The following FSD1L variants were observed in gnomAD, a reference collection of about 807,000 sequenced individuals.
FSD1L encodes the protein FSD1-like protein.
FSD1L carries 45 observed loss-of-function variants against 71.6 expected under a neutral mutation model. That is an observed-to-expected ratio of 0.63 (90% CI 0.49 to 0.81). FSD1L has a LOEUF of 0.81. Ranked by LOEUF, FSD1L falls within the 30% of genes least tolerant of loss-of-function variation. The pLI is 0.00. For synonymous variants in FSD1L, 197 were observed against 207.2 expected (o/e 0.95, Z 0.42); for missense variants, 561 against 618.1 (o/e 0.91, Z 0.98).
chr9:105,446,210 G>T (rs1306676424), upstream of FSD1L, among the ~76,000 whole-genome samples: 1 of 152,252 alleles, frequency 6.6e-6, no homozygotes, highest in South Asian at 2.1e-4. Context: ...CTCTCCACAA[G>T]GCCTTTGTAT....
In FSD1L at chr9:105,448,112, C is replaced by T; in HGVS notation, c.-109C>T. On this transcript the variant is annotated 5_prime_UTR_variant, in exon 1 of 14. Transcript: ENST00000481272. Reference sequence around the variant, plus strand: ...CGGGTGGGGCCGGGCGGTGCCGGTGCGGGCTGGGGCAGTGCAGTGAGTAGC... The same window carrying T: ...CGGGTGGGGCCGGGCGGTGCCGGTGTGGGCTGGGGCAGTGCAGTGAGTAGC... 2 of 1,221,300 alleles carry T rather than the reference C, an allele frequency of 1.6e-6. No individual in the cohort carries two copies. The highest frequency in any genetic ancestry group is 1.3e-5 in the South Asian group (1 of 76,704). The allele number at this position is 1,221,300 out of a possible 1,614,324, so 75.7% of individuals were successfully genotyped here.
chr9:105,477,469 G>A (rs984042796), intron 5 of FSD1L, among the ~76,000 whole-genome samples: 1 of 152,164 alleles, frequency 6.6e-6, no homozygotes, highest in African/African-American at 2.4e-5. Context: ...CAGAGGGAAA[G>A]AACAGAATAT....
chr9:105,497,631 T>G (rs1833497438), intron 7 of FSD1L, among the ~76,000 whole-genome samples: 1 of 152,182 alleles, frequency 6.6e-6, no homozygotes, highest in African/African-American at 2.4e-5. Flanking sequence ...GGTTATCAAA[T>G]TTGTGGACAT....
At chr9:105,452,665 GCCTGCCTTCCTTCCTTCCTTCCTT>G (rs1422281007) in intron 1 of FSD1L, among the ~76,000 whole-genome samples, 32 of 85,848 alleles carry the variant, frequency 3.7e-4, no homozygotes, top group African/African-American at 1.5e-3. Flanking sequence ...CTGCCTGCCT[GCCTGCCTTCCTTCCTTCCTTCCTT>G]CCTTCCTTCC....
intron 7 of FSD1L, among the ~76,000 whole-genome samples, chr9:105,488,458 C>A (rs1157536005): frequency 6.6e-6 from 1 of 152,146 alleles, no homozygotes; most frequent in Non-Finnish European, 1.5e-5. Flanking sequence ...CAACTTTGGG[C>A]AGTTATGAAT....
intron 1 of FSD1L, among the ~76,000 whole-genome samples, chr9:105,453,445 A>T (rs1830174155): frequency 6.6e-6 from 1 of 152,112 alleles, no homozygotes; most frequent in Non-Finnish European, 1.5e-5. Flanking sequence ...AAGTGCTGAG[A>T]TTACAGGCAG....
At chr9:105,472,759 AAG>A (rs1831556549) in intron 5 of FSD1L, 1 of 152,188 alleles carries the variant, frequency 6.6e-6, no homozygotes, top group Non-Finnish European at 1.5e-5. Flanking sequence ...TGTGAACTTG[AAG>A]GTAGAAAAAA....
chr9:105,447,611 T>G (rs1219208186), upstream of FSD1L, among the ~76,000 whole-genome samples: 1 of 152,132 alleles, frequency 6.6e-6, no homozygotes, highest in Non-Finnish European at 1.5e-5. Context: ...TCCTCCCACG[T>G]TTCCACCACA....
intron 7 of FSD1L, among the ~76,000 whole-genome samples, chr9:105,497,526 G>A (rs527948052): frequency 3.4e-4 from 52 of 152,204 alleles, no homozygotes; most frequent in African/African-American, 1.1e-3. Context: ...TATTAGTATC[G>A]ATTCAATTTT....
chr9:105,487,948 G>T (rs1832663930), intron 7 of FSD1L, among the ~76,000 whole-genome samples: 2 of 152,146 alleles, frequency 1.3e-5, no homozygotes, highest in Admixed American at 1.3e-4. Flanking sequence ...CTTCACACAT[G>T]CATAGCCTTC....
intron 7 of FSD1L, among the ~76,000 whole-genome samples, chr9:105,490,920 A>G (rs1832892745): frequency 6.9e-6 from 1 of 144,986 alleles, no homozygotes; most frequent in African/African-American, 2.6e-5. Flanking sequence ...CTTGTAGTAT[A>G]GTTTGAAGTC....
chr9:105,493,138 T>G (rs1833079101), intron 7 of FSD1L, among the ~76,000 whole-genome samples: 1 of 152,136 alleles, frequency 6.6e-6, no homozygotes, highest in African/African-American at 2.4e-5. Context: ...GGAGTCTAAG[T>G]CTCTTTGTAG....
intron 3 of FSD1L, 99 bp from the exon 4 acceptor site, chr9:105,468,094 T>G: frequency 1.3e-6 from 1 of 787,060 alleles, no homozygotes; most frequent in East Asian, 3.5e-5. Flanking sequence ...GCCAACATAG[T>G]TTGTAATATA....
intron 8 of FSD1L, among the ~76,000 whole-genome samples, chr9:105,507,295 CAGTATAT>C (rs1834114705): frequency 6.6e-6 from 1 of 152,156 alleles, no homozygotes; most frequent in Non-Finnish European, 1.5e-5. Context: ...AAGAATGTCT[CAGTATAT>C]AGTGGACTTT....
chr9:105,479,268 T>C (rs1017604975), intron 5 of FSD1L, 86 bp from the exon 6 acceptor site: 2 of 1,230,476 alleles, frequency 1.6e-6, no homozygotes, highest in Admixed American at 2.1e-5. Context: ...GTTTATATCC[T>C]AACTTTTCTT....
intron 3 of FSD1L, among the ~76,000 whole-genome samples, chr9:105,464,816 A>C (rs539535552): frequency 6.6e-6 from 1 of 151,954 alleles, no homozygotes; most frequent in African/African-American, 2.4e-5. Flanking sequence ...ACCAAAAAAA[A>C]AAAAGATACA....
chr9:105,452,661 GCCTGCCTGCCTT>G (rs1203939330), intron 1 of FSD1L, among the ~76,000 whole-genome samples: 83 of 95,268 alleles, frequency 8.7e-4, no homozygotes, highest in Middle Eastern at 5.6e-3. Context: ...CTGCCTGCCT[GCCTGCCTGCCTT>G]CCTTCCTTCC....
intron 10 of FSD1L, chr9:105,525,370 C>T (rs1467933620): frequency 6.3e-7 from 1 of 1,597,250 alleles, no homozygotes; most frequent in Non-Finnish European, 8.5e-7. Flanking sequence ...TATTCCTGCT[C>T]CACAACCTGT....
At chr9:105,500,347 G>T (rs754826834) in intron 7 of FSD1L, among the ~76,000 whole-genome samples, 3 of 152,146 alleles carry the variant, frequency 2.0e-5, no homozygotes, top group Non-Finnish European at 4.4e-5. Context: ...CCTCTGGACC[G>T]TGAACTTTGC....
Sources: gnomAD v4.1 joint callset for allele counts (sites outside exome capture counted in the v4.1 genomes callset) on GRCh38, gnomAD v4.1.1 for gene constraint, MANE v1.5 for transcripts, NCBI Gene and HGNC (gene_info 2026-07-23, HGNC 2026-07-21) for gene names.